Variants in CLUH observed in about 807,000 individuals in gnomAD.
The protein encoded by CLUH is CLUH binding protein of NUMT mRNA, also known as clustered mitochondria protein homolog.
CLUH carries 77 observed loss-of-function variants against 139.3 expected under a neutral mutation model. The observed-to-expected ratio is 0.55, with a 90% confidence interval of 0.46 to 0.67. CLUH has a LOEUF of 0.67. Ranked by LOEUF, CLUH falls within the 30% of genes least tolerant of loss-of-function variation. The pLI, the probability that CLUH is intolerant of heterozygous loss-of-function variation, is 0.00. For missense variants in CLUH, 1,876 were observed against 1,875.8 expected (o/e 1.00, Z 0.00); for synonymous variants, 999 against 801.6 (o/e 1.25, Z -4.16).
chr17:2,705,968 T>C (rs1176772667), intron 1 of CLUH, among the ~76,000 whole-genome samples: 1 of 152,140 alleles, frequency 6.6e-6, no homozygotes, highest in Non-Finnish European at 1.5e-5. Flanking sequence ...ATGAGGACCT[T>C]GGCCCCCAGG....
Position 2,699,655 on chromosome 17 carries a change from G to A in CLUH, c.1266+727C>T, listed in dbSNP as rs1043925034. Among the ~76,000 whole-genome samples the A allele has an allele frequency of 4.8e-5, 7 of 145,586 alleles. No homozygotes were observed. In the East Asian group the frequency reaches 6.0e-4, roughly 13 times the overall value. ...GATTTCTTTTTTTTTTTTTTGAGAC[G>A]TAGTCTTGTTCTGTCGCCCAGGCTG... is the stretch of plus-strand genomic sequence containing the variant. On this transcript the variant is annotated intron_variant, in intron 9 of 25. Coordinates refer to ENST00000651024, the MANE Select transcript of CLUH (RefSeq NM_001366661.1).
At chr17:2,695,655 G>A (rs2069911853) in intron 13 of CLUH, 129 bp from the exon 14 acceptor site, 3 of 1,258,496 alleles carry the variant, frequency 2.4e-6, no homozygotes, top group South Asian at 1.6e-5. Context: ...TCCCAGTCAG[G>A]ATGTCAGAAT....
At position 2,701,559 on chromosome 17, in the gene CLUH, T is replaced by G. The variant is rs532590848; in HGVS notation, c.745-39A>C. The G allele has an allele frequency of 1.6e-5, 25 of 1,612,184 alleles. No homozygotes were observed. In the South Asian group the frequency reaches 2.5e-4, roughly 16 times the overall value. On this transcript the variant is annotated intron_variant, in intron 5 of 25. Transcript: ENST00000651024. ...CGAGTCTGAGGGGCCAGGCCTCTGG[T>G]GTGGGGCCTCCACCCCGCCAGGGAC...
chr17:2,692,646 C>T lies in CLUH; in HGVS notation c.3363G>A (p.Leu1121=), dbSNP rs867006985. 1 of 1,612,582 alleles carries T rather than the reference C, an allele frequency of 6.2e-7. No homozygotes were observed. The highest frequency in any genetic ancestry group is 8.5e-7 in the Non-Finnish European group (1 of 1,179,440). The change falls in exon 21 of 26, where the codon CTG becomes CTA. Residue 1121 remains leucine (L), a synonymous_variant. Coordinates refer to ENST00000651024, the MANE Select transcript of CLUH (RefSeq NM_001366661.1). The part of the protein sequence containing the change: ...CFASSQLSTA[L]SLLYRARYLM... ...GGTAGCGGGCGCGGTACAGCAGGCT[C>T]AGGGCGGTGGACAGCTGGCTGCTGG...
rs533424576 is a variant in CLUH, at chr17:2,698,420, C to A, written c.1437G>T (p.Gly479=). 1.2e-6 allele frequency: 2 copies of A among 1,613,364 alleles called. No homozygotes were observed. The highest frequency in any genetic ancestry group is 3.3e-5 in the Admixed American group (2 of 60,028). The change falls in exon 10 of 26, where the codon GGG becomes GGT. Residue 479 remains glycine (G), a synonymous_variant. Coordinates refer to ENST00000651024, the MANE Select transcript of CLUH (RefSeq NM_001366661.1). ...DVRDHYKDFG[G]DVAAYVAPTN... is the part of the protein sequence containing the mutation. Reference sequence around the variant, plus strand: ...TGGGCGCCACGTAGGCCGCCACGTCCCCCCCGAAGTCCTTGTAGTGGTCTC... The same window carrying A: ...TGGGCGCCACGTAGGCCGCCACGTCACCCCCGAAGTCCTTGTAGTGGTCTC...
chr17:2,697,955 G>C lies in CLUH; in HGVS notation c.1902C>G (p.Ala634=). The change falls in exon 10 of 26, where the codon GCC becomes GCG. Residue 634 remains alanine, a synonymous_variant. Coordinates refer to ENST00000651024, the MANE Select transcript of CLUH (RefSeq NM_001366661.1). The stretch of plus-strand genomic sequence containing the variant: ...GCAGGCAGCAGAGCTTGTGCCGGTG[G>C]GCGCGGGGGAAGCCGGCGCGGGCGC... ...EECARAGFPR[A]HRHKLCCLRQ... The C allele has an allele frequency of 6.4e-7, 1 of 1,563,734 alleles. No homozygotes were observed. Among genetic ancestry groups the C allele is most frequent in the Non-Finnish European group, 8.6e-7 (1 of 1,159,862 alleles).
rs2151717043 is a variant in CLUH at position 2,703,002 on chromosome 17, T to C, written c.475+316A>G. ...ACCACGCGCAGCTAACTTTTTGTAT[T>C]TTTAGTAGAGATGGGGTTTCACCAT... On this transcript the variant is annotated intron_variant, in intron 3 of 25. Coordinates refer to ENST00000651024, the MANE Select transcript of CLUH (RefSeq NM_001366661.1). This position sits in a 1 kb window ranked among gnomAD's most constrained non-coding sequence, Gnocchi z 4.2. Among the ~76,000 whole-genome samples the C allele has an allele frequency of 6.6e-6, 1 of 152,178 alleles. No individual in the cohort carries two copies. Among genetic ancestry groups the C allele is most frequent in the East Asian group, 1.9e-4 (1 of 5,164 alleles).
chr17:2,692,836 C>A lies in CLUH; in HGVS notation c.3256G>T (p.Val1086Leu), dbSNP rs759405260. 2.5e-6 allele frequency: 4 copies of A among 1,601,704 alleles called. No homozygotes were observed. The highest frequency in any genetic ancestry group is 1.7e-5 in the Admixed American group (1 of 59,236). Residue 1086 changes from valine to leucine, a missense_variant, in exon 20 of 26, where the codon GTG becomes TTG. Physicochemically the swap from Val to Leu is conservative, Grantham distance 32. This residue lies in a region of CLUH where 1,454 missense variants were observed against 1,384.4 expected (regional missense o/e 1.05). Coordinates refer to ENST00000651024, the MANE Select transcript of CLUH (RefSeq NM_001366661.1). ...AEALSNQQKA[V>L]LMSERVMGTE... is the part of the protein sequence containing the mutation. ...CCCATCACCCGCTCGCTCATCAGCA[C>A]CGCCTTCTGCTGGTTACTCAGGGCC...
rs1341263544 is a variant in CLUH, at chr17:2,704,990, TGGGCTGCAGGG to T, written c.101-437_101-427del. On this transcript the variant is annotated intron_variant, in intron 1 of 25. Transcript: ENST00000651024. The surrounding 1 kb of genome is among the most constrained non-coding windows in gnomAD (Gnocchi z 5.7). ...TTCCATCCCTCCTGAGCTGTGGTCC[TGGGCTGCAGGG>T]GGGCTGCAGGGGAGTGCCTAGGCCC... Among the ~76,000 whole-genome samples, 2 of 152,138 alleles carry T rather than the reference TGGGCTGCAGGG, an allele frequency of 1.3e-5. No individual in the cohort carries two copies. The highest frequency in any genetic ancestry group is 2.4e-5 in the African/African-American group (1 of 41,432).
In CLUH at chr17:2,696,417, CG is replaced by C; in HGVS notation, c.2290+16del. 1.9e-6 allele frequency: 3 copies of C among 1,566,230 alleles called. No individual in the cohort carries two copies. In the South Asian group the frequency reaches 3.5e-5, roughly 18 times the overall value. ...GGCCCTGGAGGGCTCCTGCGCTGGC[CG>C]GCCCCCACCACCTGCCTGGTGAGAA... On this transcript the variant is annotated intron_variant, in intron 12 of 25. Coordinates refer to ENST00000651024, the MANE Select transcript of CLUH (RefSeq NM_001366661.1).
intron 19 of CLUH, 95 bp downstream of exon 19, chr17:2,693,805 C>A: frequency 6.9e-7 from 1 of 1,449,996 alleles, no homozygotes; most frequent in Non-Finnish European, 9.2e-7. Context: ...TTCCTGGGGT[C>A]TCCCTGGACT....
At chr17:2,709,707 G>T (rs1176938420) in intron 1 of CLUH, among the ~76,000 whole-genome samples, 3 of 152,154 alleles carry the variant, frequency 2.0e-5, no homozygotes, top group Admixed American at 2.0e-4. Context: ...TAAGGGGGCT[G>T]AAGAGCCTTC....
In CLUH at chr17:2,703,309, C is replaced by G. The variant is rs1169613966; in HGVS notation, c.475+9G>C. The stretch of plus-strand genomic sequence containing the variant: ...TCCCCCGGGCAGGCTGTCCAACTTC[C>G]AGACCAACCTTCCACCACACGCAGC... On this transcript the variant is annotated intron_variant, in intron 3 of 25. Coordinates refer to ENST00000651024, the MANE Select transcript of CLUH (RefSeq NM_001366661.1). The surrounding 1 kb of genome is among the most constrained non-coding windows in gnomAD (Gnocchi z 4.2). The G allele has an allele frequency of 6.2e-7, 1 of 1,605,046 alleles. No individual in the cohort carries two copies. The highest frequency in any genetic ancestry group is 1.3e-5 in the African/African-American group (1 of 74,680).
intron 9 of CLUH, among the ~76,000 whole-genome samples, chr17:2,699,493 A>G (rs1465761829): frequency 6.6e-6 from 1 of 151,904 alleles, no homozygotes; most frequent in Non-Finnish European, 1.5e-5. Flanking sequence ...TGCCTGGCTA[A>G]TCTTTTGTAT....
chr17:2,692,887 C>T lies in CLUH; in HGVS notation c.3232-27G>A, dbSNP rs769419245. 9 of 1,549,448 alleles carry T rather than the reference C, an allele frequency of 5.8e-6. No individual in the cohort carries two copies. In the African/African-American group the frequency reaches 8.2e-5, roughly 14 times the overall value. Reference sequence around the variant, plus strand: ...TGGGGAGAGACAGTGGTGGTTGCCGCGGCGTGGGAACCCCCACTGCACCCA... The same window carrying T: ...TGGGGAGAGACAGTGGTGGTTGCCGTGGCGTGGGAACCCCCACTGCACCCA... On this transcript the variant is annotated intron_variant, in intron 19 of 25. Transcript: ENST00000651024.
In CLUH at chr17:2,694,919, G is replaced by A. The variant is rs927179786; in HGVS notation, c.2790C>T (p.Pro930=). ...GGCAGATGTTCTTCCAGAGCTCCTG[G>A]GGGGTCATGACAGCCCAGGCTGTGT... The part of the protein sequence containing the change: ...ADNTAWAVMT[P]QELWKNICQE... The change falls in exon 16 of 26, where the codon CCC becomes CCT. Residue 930 remains proline, a synonymous_variant. Transcript: ENST00000651024. 1.2e-6 allele frequency: 2 copies of A among 1,604,460 alleles called. No homozygotes were observed. The highest frequency in any genetic ancestry group is 1.7e-5 in the Admixed American group (1 of 58,512).
intron 13 of CLUH, chr17:2,695,864 G>A (rs1161847101): frequency 6.9e-6 from 4 of 580,380 alleles, no homozygotes; most frequent in Non-Finnish European, 9.1e-6. Context: ...CCTGCGGGAG[G>A]AGGAGGAGGA....
chr17:2,697,913 G>A lies in CLUH; in HGVS notation c.1944C>T (p.Asp648=), dbSNP rs1165610254. Residue 648 remains aspartate (D), a synonymous_variant, in exon 10 of 26, where the codon GAC becomes GAT. Coordinates refer to ENST00000651024, the MANE Select transcript of CLUH (RefSeq NM_001366661.1). ...CCCCTCACCTGTGCTCCACGAAGGC[G>A]TCCACCAGCTCCTGGCGCAGGCAGC... ...KLCCLRQELV[D]AFVEHRYLLF... is the part of the protein sequence containing the mutation. 8 of 1,518,332 alleles carry A rather than the reference G, an allele frequency of 5.3e-6. No homozygotes were observed. Among genetic ancestry groups the A allele is most frequent in the South Asian group, 1.2e-5 (1 of 80,200 alleles). 94.1% of individuals were successfully genotyped at this position (1,518,332 alleles called of 1,614,324 possible).
In CLUH at chr17:2,698,327, C is replaced by T. The variant is rs1459679344; in HGVS notation, c.1530G>A (p.Thr510=). The part of the protein sequence containing the change: ...VDVEGLYTLG[T]VVVDYRGYRV... ...GGTAGCCGCGGTAATCCACCACCAC[C>T]GTGCCCAGCGTGTACAGCCCCTCCA... The change falls in exon 10 of 26, where the codon ACG becomes ACA. Residue 510 remains threonine (T), a synonymous_variant. Transcript: ENST00000651024. 6.2e-6 allele frequency: 10 copies of T among 1,612,928 alleles called. No homozygotes were observed. The Admixed American group carries it at 1.0e-4, about 16-fold the overall frequency.
Sources: gnomAD v4.1 joint callset for allele counts (sites outside exome capture counted in the v4.1 genomes callset) on GRCh38, gnomAD v4.1.1 for gene constraint, gnomAD v4.1.1 regional missense constraint, Gnocchi (gnomAD v3.1) non-coding constraint, MANE v1.5 for transcripts, NCBI Gene and HGNC (gene_info 2026-07-23, HGNC 2026-07-21) for gene names.